TAFA5: variants seen among roughly 807,000 people sequenced by gnomAD.
TAFA5 encodes TAFA chemokine like family member 5, also known as chemokine-like protein TAFA-5.
TAFA5 carries 6 observed loss-of-function variants against 15.3 expected under a neutral mutation model. The observed-to-expected ratio is 0.39, with a 90% CI of 0.21 to 0.77. The LOEUF (loss-of-function observed/expected upper bound fraction) is 0.77. TAFA5 is among the 30% of genes least tolerant of loss of function. The pLI is 0.41. For synonymous variants in TAFA5, 103 were observed against 80.7 expected (o/e 1.28, Z -1.48); for missense variants, 161 against 193.1 (o/e 0.83, Z 0.98).
At chr22:48,554,517 G>A (rs1443745841) in intron 1 of TAFA5, among the ~76,000 whole-genome samples, 1 of 152,160 alleles carries the variant, frequency 6.6e-6, no homozygotes, top group Non-Finnish European at 1.5e-5. Flanking sequence ...TTCTGGAAAG[G>A]AGGGTATTAT....
At position 48,560,699 on chromosome 22, in the gene TAFA5, C is replaced by G. The variant is rs1923202368; in HGVS notation, c.112+70995C>G. 6.6e-6 allele frequency among the ~76,000 whole-genome samples: 1 copy of G among 151,932 alleles called. No homozygotes were observed. Among genetic ancestry groups the G allele is most frequent in the South Asian group, 2.1e-4 (1 of 4,814 alleles). The stretch of plus-strand genomic sequence containing the variant: ...ATTCGGCTCACTGCATCCTCTGCCT[C>G]CCGGGTTCAAGCAATTCTCCCGCCT... On this transcript the variant is annotated intron_variant, in intron 1 of 3. Transcript: ENST00000402357. This position sits in a 1 kb window ranked among gnomAD's most constrained non-coding sequence, Gnocchi z 4.2.
intron 2 of TAFA5, among the ~76,000 whole-genome samples, chr22:48,706,876 C>T (rs132232): frequency 0.65 from 99,555 of 152,188 alleles, 33,163 homozygotes; most frequent in Non-Finnish European, 0.72. Flanking sequence ...AAGTCCTTCT[C>T]GTGCTTTCTG....
At chr22:48,563,120 C>T (rs931983238) in intron 1 of TAFA5, among the ~76,000 whole-genome samples, 14 of 152,336 alleles carry the variant, frequency 9.2e-5, no homozygotes, top group Middle Eastern at 3.4e-3. Flanking sequence ...CAAACAGTGC[C>T]GGCCGCCCCT....
At chr22:48,631,290 T>A (rs1926217609) in intron 1 of TAFA5, among the ~76,000 whole-genome samples, 1 of 152,138 alleles carries the variant, frequency 6.6e-6, no homozygotes, top group Admixed American at 6.5e-5. Context: ...CCCACCCAGG[T>A]GAGCGGTCCC....
intron 1 of TAFA5, among the ~76,000 whole-genome samples, chr22:48,525,350 A>G (rs1245561085): frequency 6.6e-6 from 1 of 152,136 alleles, no homozygotes; most frequent in African/African-American, 2.4e-5. Context: ...ACCCTGGGAT[A>G]CGCTGAGGGC....
intron 2 of TAFA5, among the ~76,000 whole-genome samples, chr22:48,685,679 A>G (rs1928330662): frequency 6.7e-6 from 1 of 150,066 alleles, no homozygotes; most frequent in African/African-American, 2.5e-5. Context: ...AGTTTGTCAG[A>G]TTTCTCTGGG....
intron 3 of TAFA5, among the ~76,000 whole-genome samples, chr22:48,740,397 G>A (rs565834692): frequency 6.6e-6 from 1 of 152,328 alleles, no homozygotes; most frequent in South Asian, 2.1e-4. Flanking sequence ...CTCCCTGTGT[G>A]TTTGCAGATA....
intron 1 of TAFA5, among the ~76,000 whole-genome samples, chr22:48,608,096 G>GGCTGCCAGCCCCTCCCACGGCCCCAA: frequency 6.6e-6 from 1 of 151,788 alleles, no homozygotes; most frequent in African/African-American, 2.4e-5. Flanking sequence ...CACGGCCCCA[G>GGCTGCCAGCCCCTCCCACGGCCCCAA]GCTGCCAGCC....
chr22:48,615,643 C>T (rs1377479641), intron 1 of TAFA5, among the ~76,000 whole-genome samples: 1 of 152,202 alleles, frequency 6.6e-6, no homozygotes, highest in Non-Finnish European at 1.5e-5. Context: ...GCCCCTGTTC[C>T]ACATGAAGGG....
intron 1 of TAFA5, among the ~76,000 whole-genome samples, chr22:48,608,764 C>T (rs988788855): frequency 4.6e-5 from 7 of 152,146 alleles, no homozygotes; most frequent in Non-Finnish European, 7.3e-5. Flanking sequence ...TCCCGAAGCC[C>T]GCTGGCCTTT....
intron 1 of TAFA5, among the ~76,000 whole-genome samples, chr22:48,588,370 G>C (rs546097425): frequency 1.1e-4 from 16 of 152,220 alleles, no homozygotes; most frequent in African/African-American, 3.1e-4. Context: ...CGAGAACCAG[G>C]TGCCCTCTCT....
chr22:48,597,997 G>A (rs941806546), intron 1 of TAFA5, among the ~76,000 whole-genome samples: 2 of 152,206 alleles, frequency 1.3e-5, no homozygotes, highest in Non-Finnish European at 2.9e-5. Context: ...TTCAGAGAAC[G>A]GAACCAATGG....
intron 3 of TAFA5, among the ~76,000 whole-genome samples, chr22:48,721,279 C>T (rs1202470174): frequency 3.3e-5 from 5 of 152,228 alleles, no homozygotes; most frequent in African/African-American, 4.8e-5. Context: ...CCACTGCCCC[C>T]GTGCCACCAT....
At chr22:48,676,166 G>T (rs955716948) in intron 2 of TAFA5, among the ~76,000 whole-genome samples, 1 of 152,244 alleles carries the variant, frequency 6.6e-6, no homozygotes, top group African/African-American at 2.4e-5. Flanking sequence ...TCCCCAGCCT[G>T]CCCAGTCAAA....
intron 1 of TAFA5, among the ~76,000 whole-genome samples, chr22:48,643,658 G>A (rs1398509058): frequency 1.3e-5 from 2 of 152,230 alleles, no homozygotes; most frequent in Non-Finnish European, 2.9e-5. Flanking sequence ...AGGCTCAGCA[G>A]CAGGGCTAGC....
intron 1 of TAFA5, among the ~76,000 whole-genome samples, chr22:48,603,399 C>T (rs867331430): frequency 1.8e-4 from 27 of 152,368 alleles, no homozygotes; most frequent in African/African-American, 6.0e-4. Flanking sequence ...GCAGCAAGCA[C>T]GTGTGGCTGG....
At chr22:48,673,177 T>G (rs1927856508) in intron 2 of TAFA5, among the ~76,000 whole-genome samples, 1 of 152,236 alleles carries the variant, frequency 6.6e-6, no homozygotes, top group South Asian at 2.1e-4. Context: ...CGTCATCTTC[T>G]CCTCCAGCAA....
At chr22:48,596,696 G>C (rs1429424416) in intron 1 of TAFA5, among the ~76,000 whole-genome samples, 3 of 152,174 alleles carry the variant, frequency 2.0e-5, no homozygotes, top group Non-Finnish European at 4.4e-5. Flanking sequence ...TTGGCATGGA[G>C]CATTCTGTGG....
intron 3 of TAFA5, among the ~76,000 whole-genome samples, chr22:48,723,218 C>G (rs188794482): frequency 6.6e-6 from 1 of 152,218 alleles, no homozygotes; most frequent in African/African-American, 2.4e-5. Context: ...CCAGCCACCC[C>G]CTTCCAAATG....
Sources: allele counts gnomAD v4.1 joint callset (sites outside exome capture counted in the v4.1 genomes callset), GRCh38; gene constraint gnomAD v4.1.1; non-coding constraint Gnocchi (gnomAD v3.1); transcripts MANE v1.5; gene names NCBI Gene and HGNC (gene_info 2026-07-23, HGNC 2026-07-21).